The following ADAMTS12 variants were observed in gnomAD, a reference collection of about 807,000 sequenced individuals.
The protein encoded by ADAMTS12 is ADAM metallopeptidase with thrombospondin type 1 motif 12, also known as A disintegrin and metalloproteinase with thrombospondin motifs 12.
ADAMTS12 carries 118 observed loss-of-function variants against 167.8 expected under a neutral mutation model. The observed-to-expected ratio is 0.70, with a 90% CI of 0.61 to 0.82. ADAMTS12 has a LOEUF of 0.82. Ranked by LOEUF, ADAMTS12 falls within the 40% of genes least tolerant of loss-of-function variation. The pLI, the probability that ADAMTS12 is intolerant of heterozygous loss-of-function variation, is 0.00. For missense variants in ADAMTS12, 1,916 were observed against 1,998.8 expected, an observed-to-expected ratio of 0.96 and a Z score of 0.79; for synonymous variants, 704 against 716.9, an observed-to-expected ratio of 0.98 and a Z score of 0.29.
At chr5:33,843,153 C>A (rs1867720) in intron 2 of ADAMTS12, among the ~76,000 whole-genome samples, 3 of 151,998 alleles carry the variant, frequency 2.0e-5, no homozygotes, top group African/African-American at 7.3e-5. Context: ...AGGGTTGGAA[C>A]GAGAGGAGAG....
intron 3 of ADAMTS12, among the ~76,000 whole-genome samples, chr5:33,720,280 TCA>T (rs201402268): frequency 1.6e-5 from 1 of 62,328 alleles, no homozygotes; most frequent in Admixed American, 1.5e-4. Flanking sequence ...TCTCTCTCTC[TCA>T]CTCACACACA....
intron 17 of ADAMTS12, among the ~76,000 whole-genome samples, chr5:33,595,140 T>C (rs1047739700): frequency 2.0e-5 from 3 of 152,108 alleles, no homozygotes; most frequent in Non-Finnish European, 4.4e-5. Context: ...TTCTTCCTCC[T>C]TTATCTTTTT....
chr5:33,735,222 A>G (rs1368040529), intron 3 of ADAMTS12, among the ~76,000 whole-genome samples: 2 of 152,158 alleles, frequency 1.3e-5, no homozygotes, highest in African/African-American at 4.8e-5. Context: ...TCCAAAGTTA[A>G]AATGCAGATA....
At chr5:33,789,591 G>T (rs1057281404) in intron 2 of ADAMTS12, among the ~76,000 whole-genome samples, 2 of 152,216 alleles carry the variant, frequency 1.3e-5, no homozygotes, top group African/African-American at 4.8e-5. Flanking sequence ...TGGCTGCGTA[G>T]AGTACCTCAA....
chr5:33,696,883 C>T (rs1331914927), intron 3 of ADAMTS12, among the ~76,000 whole-genome samples: 1 of 152,172 alleles, frequency 6.6e-6, no homozygotes, highest in Admixed American at 6.5e-5. Flanking sequence ...CAGTTCTTTT[C>T]GGCTTAATAT....
intron 2 of ADAMTS12, among the ~76,000 whole-genome samples, chr5:33,841,707 G>A (rs760128189): frequency 1.3e-5 from 2 of 152,206 alleles, no homozygotes; most frequent in Non-Finnish European, 2.9e-5. Context: ...GCATGTAAGT[G>A]CATTATGGTT....
At chr5:33,593,274 T>C (rs958777480) in intron 17 of ADAMTS12, among the ~76,000 whole-genome samples, 2 of 152,154 alleles carry the variant, frequency 1.3e-5, no homozygotes, top group African/African-American at 2.4e-5. Flanking sequence ...AGAAAAAGTT[T>C]AAATGTAGGG....
At chr5:33,887,348 C>T (rs1256493203) in intron 1 of ADAMTS12, among the ~76,000 whole-genome samples, 1 of 152,026 alleles carries the variant, frequency 6.6e-6, no homozygotes, top group African/African-American at 2.4e-5. Context: ...AGGATTTTTT[C>T]CTGGGCAATC....
At chr5:33,566,094 A>T (rs1746001649) in intron 19 of ADAMTS12, among the ~76,000 whole-genome samples, 1 of 152,210 alleles carries the variant, frequency 6.6e-6, no homozygotes, top group African/African-American at 2.4e-5. Context: ...TAGGAGCACC[A>T]CCCAGCAGAC....
chr5:33,736,412 A>G, intron 3 of ADAMTS12, among the ~76,000 whole-genome samples: 1 of 152,200 alleles, frequency 6.6e-6, no homozygotes, highest in East Asian at 1.9e-4. Flanking sequence ...TCCATAACCC[A>G]AAAGTAGAAG....
chr5:33,724,587 T>C (rs569657333), intron 3 of ADAMTS12, among the ~76,000 whole-genome samples: 6 of 151,566 alleles, frequency 4.0e-5, no homozygotes, highest in African/African-American at 1.5e-4. Flanking sequence ...AGTCTCGCTC[T>C]TTCGCCCAGG....
intron 14 of ADAMTS12, among the ~76,000 whole-genome samples, chr5:33,617,221 T>C (rs1371776713): frequency 6.6e-6 from 1 of 151,902 alleles, no homozygotes; most frequent in Non-Finnish European, 1.5e-5. Context: ...TTCAACTTTT[T>C]TTTTTTTTTA....
intron 22 of ADAMTS12, among the ~76,000 whole-genome samples, chr5:33,543,110 C>G (rs928430759): frequency 6.6e-6 from 1 of 152,012 alleles, no homozygotes; most frequent in Admixed American, 6.6e-5. Flanking sequence ...AATTGATAGA[C>G]CGCTAGCAAG....
chr5:33,677,923 A>G (rs762876555), intron 5 of ADAMTS12, among the ~76,000 whole-genome samples: 2 of 152,210 alleles, frequency 1.3e-5, no homozygotes, highest in Non-Finnish European at 2.9e-5. Context: ...GAAACCCCAT[A>G]GTGGTCTTTA....
rs867561695 is a variant in ADAMTS12 at position 33,653,311 on chromosome 5, G to T, written c.1191-3614C>A. On this transcript the variant is annotated intron_variant, in intron 7 of 23. Transcript: ENST00000504830. ...TCTTGTTTAGCCTGTTACAATGGTG[G>T]ATTATGCTGATTTTCAAATATTGAG... Among the ~76,000 whole-genome samples the T allele has an allele frequency of 5.9e-5, 9 of 152,134 alleles. No homozygotes were observed. In the South Asian group the frequency reaches 1.9e-3, roughly 32 times the overall value.
chr5:33,670,750 A>G (rs535606751), intron 5 of ADAMTS12, among the ~76,000 whole-genome samples: 128 of 152,348 alleles, frequency 8.4e-4, no homozygotes, highest in African/African-American at 3.0e-3. Context: ...CTCAAAAAAC[A>G]AACAAACAGA....
At chr5:33,577,604 T>G (rs1282782878) in intron 18 of ADAMTS12, among the ~76,000 whole-genome samples, 4 of 152,218 alleles carry the variant, frequency 2.6e-5, no homozygotes, top group African/African-American at 9.6e-5. Context: ...CCTTTCCCTT[T>G]CTATTTAGAA....
chr5:33,866,812 A>G (rs940053316), intron 2 of ADAMTS12, among the ~76,000 whole-genome samples: 1 of 152,138 alleles, frequency 6.6e-6, no homozygotes, highest in African/African-American at 2.4e-5. Flanking sequence ...TCAAAAGAAG[A>G]TAAGTGGCCA....
intron 5 of ADAMTS12, among the ~76,000 whole-genome samples, chr5:33,668,494 G>A (rs1307854463): frequency 6.6e-6 from 1 of 152,040 alleles, no homozygotes; most frequent in Non-Finnish European, 1.5e-5. Flanking sequence ...AGTTAAATCT[G>A]CTTTGGAGGA....
Sources: gnomAD v4.1 joint callset for allele counts (sites outside exome capture counted in the v4.1 genomes callset) on GRCh38, gnomAD v4.1.1 for gene constraint, MANE v1.5 for transcripts, NCBI Gene and HGNC (gene_info 2026-07-23, HGNC 2026-07-21) for gene names.